Variants in AGBL4 observed in about 807,000 individuals in gnomAD.
The protein encoded by AGBL4 is cytosolic carboxypeptidase 6.
AGBL4 carries 58 observed loss-of-function variants against 66.4 expected under a neutral mutation model. That is an observed-to-expected ratio of 0.87 (90% CI 0.71 to 1.09). The LOEUF (loss-of-function observed/expected upper bound fraction) is 1.09, where lower values mean the gene tolerates loss of function less well. Among genes scored for constraint, AGBL4 ranks in the 50% least tolerant of loss-of-function variants. AGBL4 has a pLI of 0.00. For missense variants in AGBL4, 579 were observed against 631.0 expected, an observed-to-expected ratio of 0.92 and a Z score of 0.88; for synonymous variants, 234 against 222.9, an observed-to-expected ratio of 1.05 and a Z score of -0.44.
intron 4 of AGBL4, among the ~76,000 whole-genome samples, chr1:49,198,717 G>A (rs1028247543): frequency 6.6e-6 from 1 of 151,868 alleles, no homozygotes; most frequent in Middle Eastern, 3.2e-3. Context: ...GCCATATCAC[G>A]GTTTTTTGAT....
At chr1:49,610,156 C>A (rs1220549157) in intron 3 of AGBL4, among the ~76,000 whole-genome samples, 1 of 152,072 alleles carries the variant, frequency 6.6e-6, no homozygotes, top group Non-Finnish European at 1.5e-5. Flanking sequence ...GCCCAGTAAG[C>A]CATTCCTCAT....
At chr1:49,537,287 A>G (rs1442897398) in intron 3 of AGBL4, among the ~76,000 whole-genome samples, 1 of 152,154 alleles carries the variant, frequency 6.6e-6, no homozygotes, top group Non-Finnish European at 1.5e-5. Context: ...ACAAAAATAG[A>G]CAAATGATAG....
chr1:49,028,197 T>C (rs1019393241), intron 5 of AGBL4, among the ~76,000 whole-genome samples: 3 of 152,072 alleles, frequency 2.0e-5, no homozygotes, highest in African/African-American at 7.2e-5. Flanking sequence ...GCTAGAAGGT[T>C]AGAATAAAGA....
intron 6 of AGBL4, among the ~76,000 whole-genome samples, chr1:48,739,204 C>G (rs958621466): frequency 1.2e-4 from 18 of 152,256 alleles, no homozygotes; most frequent in African/African-American, 4.1e-4. Context: ...CAGCCACCGA[C>G]TGGCCTTTGC....
At chr1:48,593,235 C>A (rs1403035577) in intron 9 of AGBL4, among the ~76,000 whole-genome samples, 2 of 152,278 alleles carry the variant, frequency 1.3e-5, no homozygotes, top group Admixed American at 6.5e-5. Context: ...AGTGGTAGCA[C>A]CATAAACACA....
chr1:49,371,817 CTGTGTGTGTGTGTGTG>C lies in AGBL4; in HGVS notation c.283-125969_283-125954del, dbSNP rs55882947. The stretch of plus-strand genomic sequence containing the variant: ...GTCAGAGCCAGTGACTTTTCAAACT[CTGTGTGTGTGTGTGTG>C]TGTGTGTGTGTGTGTGTGTGTGTGT... On this transcript the variant is annotated intron_variant, in intron 3 of 13. Transcript: ENST00000371839. Among the ~76,000 whole-genome samples, 560 of 140,052 alleles carry C rather than the reference CTGTGTGTGTGTGTGTG, an allele frequency of 4.0e-3. 6 individuals are homozygous for C. The highest frequency in any genetic ancestry group is 0.035 in the East Asian group (160 of 4,558). 91.9% of individuals were successfully genotyped at this position (140,052 alleles called of 152,430 possible).
intron 3 of AGBL4, among the ~76,000 whole-genome samples, chr1:49,542,528 C>A (rs760017513): frequency 2.6e-5 from 4 of 152,092 alleles, no homozygotes; most frequent in Non-Finnish European, 4.4e-5. Context: ...TCAATGAGAC[C>A]AAGAACCCAC....
At chr1:49,316,491 TGA>T (rs147258877) in intron 3 of AGBL4, among the ~76,000 whole-genome samples, 2 of 150,160 alleles carry the variant, frequency 1.3e-5, no homozygotes, top group African/African-American at 2.4e-5. Context: ...ACTCAATTAC[TGA>T]GAGAGAGAGA....
intron 5 of AGBL4, among the ~76,000 whole-genome samples, chr1:48,983,129 T>C (rs72682938): frequency 0.1 from 15,610 of 152,166 alleles, 1,282 homozygotes; most frequent in African/African-American, 0.22. Flanking sequence ...GAGACTGAAG[T>C]TGCTTTCAAC....
intron 2 of AGBL4, among the ~76,000 whole-genome samples, chr1:49,725,376 G>A (rs1648937974): frequency 6.6e-6 from 1 of 152,132 alleles, no homozygotes; most frequent in Non-Finnish European, 1.5e-5. Context: ...CAAGCTAACA[G>A]CGAAATAATG....
chr1:49,929,007 C>T (rs1373798861), intron 1 of AGBL4, among the ~76,000 whole-genome samples: 2 of 152,124 alleles, frequency 1.3e-5, no homozygotes, highest in Non-Finnish European at 2.9e-5. Flanking sequence ...GAAATCATAT[C>T]CTTTGCAGCA....
chr1:48,663,062 G>A (rs1461299740), intron 7 of AGBL4, 90 bp downstream of exon 7: 1 of 1,161,496 alleles, frequency 8.6e-7, no homozygotes, highest in Non-Finnish European at 1.3e-6. Context: ...TTAAGATAAT[G>A]GCTCTGCATG....
intron 4 of AGBL4, among the ~76,000 whole-genome samples, chr1:49,067,208 A>G (rs914873121): frequency 1.3e-5 from 2 of 152,218 alleles, no homozygotes; most frequent in African/African-American, 4.8e-5. Context: ...GAGCTCACCA[A>G]AGAATGATGA....
intron 1 of AGBL4, among the ~76,000 whole-genome samples, chr1:49,971,631 A>T (rs112595052): frequency 1.6e-4 from 25 of 152,256 alleles, no homozygotes; most frequent in Non-Finnish European, 2.9e-4. Flanking sequence ...TTTTGCTGTC[A>T]TACCTTAAAC....
chr1:49,878,223 G>C (rs1317624580), intron 1 of AGBL4, among the ~76,000 whole-genome samples: 2 of 147,840 alleles, frequency 1.4e-5, no homozygotes, highest in Admixed American at 6.7e-5. Flanking sequence ...GTTTGCTCTT[G>C]CTTTTCTAGT....
At chr1:49,475,665 G>A (rs1646832077) in intron 3 of AGBL4, among the ~76,000 whole-genome samples, 1 of 151,902 alleles carries the variant, frequency 6.6e-6, no homozygotes, top group African/African-American at 2.4e-5. Context: ...CCAAAGTTGT[G>A]TGTTTCTAGA....
chr1:48,878,164 G>A (rs2148838285), intron 5 of AGBL4, among the ~76,000 whole-genome samples: 1 of 152,228 alleles, frequency 6.6e-6, no homozygotes, highest in South Asian at 2.1e-4. Context: ...TGGAGGCTGT[G>A]ACTTTTAAAA....
chr1:49,883,784 A>C (rs935468145), intron 1 of AGBL4, among the ~76,000 whole-genome samples: 1 of 152,036 alleles, frequency 6.6e-6, no homozygotes, highest in Non-Finnish European at 1.5e-5. Flanking sequence ...TGAAGTAGTC[A>C]AAGAAAACAA....
At chr1:48,715,171 A>G (rs1346809418) in intron 6 of AGBL4, among the ~76,000 whole-genome samples, 10 of 152,154 alleles carry the variant, frequency 6.6e-5, no homozygotes, top group Admixed American at 5.2e-4. Flanking sequence ...AGAGGACTTG[A>G]TAAGCACATA....
Sources: allele counts gnomAD v4.1 joint callset (sites outside exome capture counted in the v4.1 genomes callset), GRCh38; gene constraint gnomAD v4.1.1; transcripts MANE v1.5; gene names NCBI Gene and HGNC (gene_info 2026-07-23, HGNC 2026-07-21).